Variants in DAB1 observed in about 807,000 individuals in gnomAD.
The protein encoded by DAB1 is disabled homolog 1.
A neutral mutation model predicts 64.6 loss-of-function variants in DAB1; 15 were observed. The ratio of observed to expected loss-of-function variants is 0.23; its 90% confidence interval spans 0.16 to 0.36. The LOEUF (loss-of-function observed/expected upper bound fraction) is 0.36, where lower values mean the gene tolerates loss of function less well. DAB1 is among the 10% of genes least tolerant of loss of function. The probability of loss-of-function intolerance (pLI) is 1.00; values close to 1 mark genes in which losing one functional copy is unlikely to be tolerated. For missense variants in DAB1, 596 were observed against 706.7 expected, an observed-to-expected ratio of 0.84 and a Z score of 1.78; for synonymous variants, 235 against 251.9, an observed-to-expected ratio of 0.93 and a Z score of 0.64.
chr1:57,262,001 G>C (rs1001398741), intron 2 of DAB1, among the ~76,000 whole-genome samples: 3 of 152,188 alleles, frequency 2.0e-5, no homozygotes, highest in Non-Finnish European at 2.9e-5. Flanking sequence ...TCTTTAAGGA[G>C]TTTACCGGTT....
chr1:58,117,759 G>T (rs540775545), intron 5 of DAB1, among the ~76,000 whole-genome samples: 2 of 151,838 alleles, frequency 1.3e-5, no homozygotes, highest in Admixed American at 6.6e-5. Flanking sequence ...TAAAAGATAT[G>T]AATTGAGTCA....
exon 3 of DAB1, chr1:58,506,205 C>T (rs1645986852): frequency 1.2e-6 from 1 of 867,318 alleles, no homozygotes; most frequent in African/African-American, 1.6e-5. Flanking sequence ...TATGTCTGCA[C>T]AAGCCTAAAA....
intron 5 of DAB1, among the ~76,000 whole-genome samples, chr1:58,117,073 T>C (rs536417450): frequency 6.6e-6 from 1 of 152,324 alleles, no homozygotes; most frequent in African/African-American, 2.4e-5. Flanking sequence ...CATCTATTGG[T>C]GAATATTAAT....
intron 6 of DAB1, among the ~76,000 whole-genome samples, chr1:57,736,239 T>C (rs1647686393): frequency 6.6e-6 from 1 of 152,052 alleles, no homozygotes. Context: ...CAAGATAAAG[T>C]TAAGATTGGT....
chr1:57,352,330 C>CTTAA (rs1399092559), intron 1 of DAB1, among the ~76,000 whole-genome samples: 2 of 152,114 alleles, frequency 1.3e-5, no homozygotes, highest in Non-Finnish European at 2.9e-5. Flanking sequence ...ATATAAAGTA[C>CTTAA]TTAAGTACAG....
At chr1:58,474,594 A>G (rs920512189) in intron 3 of DAB1, among the ~76,000 whole-genome samples, 4 of 152,096 alleles carry the variant, frequency 2.6e-5, no homozygotes, top group African/African-American at 9.7e-5. Flanking sequence ...GGCCTTTTTC[A>G]TGAATACCTT....
intron 2 of DAB1, among the ~76,000 whole-genome samples, chr1:57,197,578 A>C (rs1340203351): frequency 1.3e-5 from 2 of 152,208 alleles, no homozygotes; most frequent in Non-Finnish European, 2.9e-5. Flanking sequence ...AATATTAAGT[A>C]ATTTGCCCAA....
intron 4 of DAB1, among the ~76,000 whole-genome samples, chr1:58,159,025 G>C (rs1459301833): frequency 1.3e-5 from 2 of 152,136 alleles, no homozygotes; most frequent in Non-Finnish European, 1.5e-5. Context: ...TAGAACTGGA[G>C]ACAAATCTGA....
At chr1:58,285,826 A>G (rs1661666742) in intron 4 of DAB1, among the ~76,000 whole-genome samples, 1 of 152,212 alleles carries the variant, frequency 6.6e-6, no homozygotes, top group Non-Finnish European at 1.5e-5. Flanking sequence ...TTTAAAATTA[A>G]TATGGAACCA....
chr1:58,234,838 A>G (rs1484811153), intron 4 of DAB1, among the ~76,000 whole-genome samples: 5 of 152,198 alleles, frequency 3.3e-5, no homozygotes, highest in Admixed American at 2.6e-4. Flanking sequence ...CAGAGCCTAC[A>G]ACCTTTATGT....
chr1:58,004,144 G>A (rs1311426219), intron 5 of DAB1, among the ~76,000 whole-genome samples: 2 of 152,270 alleles, frequency 1.3e-5, no homozygotes, highest in Admixed American at 6.5e-5. Context: ...ACTGCAGAGT[G>A]AGTCACAGTT....
intron 3 of DAB1, among the ~76,000 whole-genome samples, chr1:58,413,997 C>T (rs904011379): frequency 6.6e-6 from 1 of 152,162 alleles, no homozygotes; most frequent in African/African-American, 2.4e-5. Context: ...TGCTTCTAAG[C>T]TACTAACCTG....
At chr1:57,133,874 A>T (rs1051679004) in intron 4 of DAB1, among the ~76,000 whole-genome samples, 5 of 152,208 alleles carry the variant, frequency 3.3e-5, no homozygotes, top group African/African-American at 1.2e-4. Context: ...TTTAGAACCC[A>T]TGCTGAACAT....
At chr1:57,166,377 G>C (rs537737434) in intron 2 of DAB1, among the ~76,000 whole-genome samples, 1 of 152,236 alleles carries the variant, frequency 6.6e-6, no homozygotes, top group South Asian at 2.1e-4. Context: ...CAAATTATAG[G>C]TGCACTAAAT....
intron 4 of DAB1, among the ~76,000 whole-genome samples, chr1:57,130,448 T>C (rs565179055): frequency 5.9e-5 from 9 of 152,284 alleles, no homozygotes; most frequent in Admixed American, 2.0e-4. Flanking sequence ...ATTGAAGATC[T>C]ATCTGCACTC....
At chr1:57,813,620 T>C (rs762132763) in intron 6 of DAB1, among the ~76,000 whole-genome samples, 1 of 152,142 alleles carries the variant, frequency 6.6e-6, no homozygotes. Context: ...ACATTTCAGG[T>C]AGAGTTGACG....
chr1:57,126,401 T>C (rs1383479251), intron 4 of DAB1, among the ~76,000 whole-genome samples: 1 of 152,124 alleles, frequency 6.6e-6, no homozygotes, highest in East Asian at 1.9e-4. Flanking sequence ...TATGAAACAA[T>C]GTAGTGGACA....
chr1:57,014,763 A>G, intron 12 of DAB1, 120 bp downstream of exon 12: 1 of 733,716 alleles, frequency 1.4e-6, no homozygotes, highest in Non-Finnish European at 2.1e-6. Context: ...AGTAATAATA[A>G]TATAAACAAA....
At chr1:58,055,291 C>T (rs927082470) in intron 5 of DAB1, among the ~76,000 whole-genome samples, 2 of 152,164 alleles carry the variant, frequency 1.3e-5, no homozygotes, top group African/African-American at 4.8e-5. Context: ...ATGCTCCAGG[C>T]ATGCTGTGGC....
Sources: gnomAD v4.1 joint callset for allele counts (sites outside exome capture counted in the v4.1 genomes callset) on GRCh38, gnomAD v4.1.1 for gene constraint, MANE v1.5 for transcripts, NCBI Gene and HGNC (gene_info 2026-07-23, HGNC 2026-07-21) for gene names.